The following ZNF280C variants were observed in gnomAD, a reference collection of about 807,000 sequenced individuals.
The protein encoded by ZNF280C is suppressor of hairy wing homolog 3.
ZNF280C carries 14 observed loss-of-function variants against 53.6 expected under a neutral mutation model. The ratio of observed to expected loss-of-function variants is 0.26; its 90% CI spans 0.17 to 0.41. The LOEUF is 0.41. Ranked by LOEUF, ZNF280C falls within the 10% of genes least tolerant of loss-of-function variation. ZNF280C has a pLI of 1.00. For missense variants in ZNF280C, 416 were observed against 547.1 expected, an observed-to-expected ratio of 0.76 and a Z score of 2.39; for synonymous variants, 203 against 181.1, an observed-to-expected ratio of 1.12 and a Z score of -0.97.
Position 130,227,783 on chromosome X carries a change from C to A in ZNF280C, c.1148-1G>T. The A allele has an allele frequency of 8.9e-7, 1 of 1,128,537 alleles. No homozygotes were observed. The highest frequency in any genetic ancestry group is 1.8e-5 in the African/African-American group (1 of 55,835). 93.0% of individuals were successfully genotyped at this position (1,128,537 alleles called of 1,213,427 possible). ...GATAATTCACAGATTTTGCAAATAG[C>A]TGAAAGTGGAAAAAAACACATTATA... On this transcript the variant is annotated splice_acceptor_variant, in intron 10 of 18. Coordinates refer to ENST00000370978, the MANE Select transcript of ZNF280C (RefSeq NM_017666.5). LOFTEE classifies it high-confidence loss of function.
intron 8 of ZNF280C, among the ~76,000 whole-genome samples, chrX:130,233,355 G>A (rs995656792): frequency 9.0e-5 from 10 of 111,646 alleles, no homozygotes; most frequent in Admixed American, 7.6e-4. Flanking sequence ...AGTGGCTCAC[G>A]CCTGTAATCC....
In ZNF280C at chrX:130,215,335, T is replaced by G; in HGVS notation, c.1839-2A>C. The stretch of plus-strand genomic sequence containing the variant: ...CACTTGTGAATTCCCCGACGACACC[T>G]TATGGAGACGGAAAAAAAAGATAAA... On this transcript the variant is annotated splice_acceptor_variant, in intron 14 of 18. Coordinates refer to ENST00000370978, the MANE Select transcript of ZNF280C (RefSeq NM_017666.5). LOFTEE classifies it high-confidence loss of function. 8.6e-7 allele frequency: 1 copy of G among 1,156,953 alleles called. No homozygotes were observed. Among genetic ancestry groups the G allele is most frequent in the Non-Finnish European group, 1.1e-6 (1 of 870,815 alleles).
In ZNF280C at chrX:130,204,387, C is replaced by T. The variant is rs1290766583; in HGVS notation, c.*590G>A. 1 of 112,524 alleles carries T rather than the reference C, an allele frequency of 8.9e-6. No homozygotes were observed. The highest frequency in any genetic ancestry group is 3.2e-5 in the African/African-American group (1 of 30,837). 9.3% of individuals were successfully genotyped at this position (112,524 alleles called of 1,213,427 possible). A position where few individuals can be genotyped will look rare whatever the true frequency, so the allele number is the denominator to read the frequency against. ...CAGTCAGGTAGGAAGGGACTCTCCC[C>T]AAGATCTGATTTCTGAAGGCCACAA... On this transcript the variant is annotated 3_prime_UTR_variant, in exon 19 of 19. Coordinates refer to ENST00000370978, the MANE Select transcript of ZNF280C (RefSeq NM_017666.5).
rs761433503 is a variant in ZNF280C, at chrX:130,202,854, CTATATA to C, written c.*2117_*2122del. The C allele has an allele frequency of 3.6e-5, 4 of 110,903 alleles. No homozygotes were observed. Among genetic ancestry groups the C allele is most frequent in the Non-Finnish European group, 5.7e-5 (3 of 52,927 alleles). 9.1% of individuals were successfully genotyped at this position (110,903 alleles called of 1,213,427 possible). Reference sequence around the variant, plus strand: ...ACAAGAAATTAAAAAAAATATACATCTATATATATATGAGCAAGAAACAAGTGCATT... The same window carrying C: ...ACAAGAAATTAAAAAAAATATACATCTATATGAGCAAGAAACAAGTGCATT... On this transcript the variant is annotated 3_prime_UTR_variant, in exon 19 of 19. Transcript: ENST00000370978.
At chrX:130,213,020 G>T (rs1695572802) in intron 15 of ZNF280C, among the ~76,000 whole-genome samples, 1 of 111,793 alleles carries the variant, frequency 8.9e-6, no homozygotes, top group Non-Finnish European at 1.9e-5. Context: ...ACAACTGAGG[G>T]ACTAGAATAA....
chrX:130,215,850 G>A lies in ZNF280C; in HGVS notation c.1779C>T (p.Tyr593=), dbSNP rs760995845. The A allele has an allele frequency of 7.4e-6, 9 of 1,208,460 alleles. No individual in the cohort carries two copies. The highest frequency in any genetic ancestry group is 1.8e-5 in the South Asian group (1 of 56,453). ...TTCTGTTGCGCTGTCGCTTTTGCTT[G>A]TAAGAGGGTTTTGCTTTGGACTTAG... ...RIAKSKAKPS[Y]KQKRQRNRKN... is the part of the protein sequence containing the mutation. The change falls in exon 14 of 19, where the codon TAC becomes TAT. Residue 593 remains tyrosine, a synonymous_variant. Transcript: ENST00000370978.
At chrX:130,261,400 G>T (rs1398468253) in intron 1 of ZNF280C, among the ~76,000 whole-genome samples, 1 of 112,091 alleles carries the variant, frequency 8.9e-6, no homozygotes, top group African/African-American at 3.2e-5. Flanking sequence ...TCTAAAGTAG[G>T]ATATACAGAG....
At chrX:130,257,547 T>C (rs1188847187) in intron 2 of ZNF280C, among the ~76,000 whole-genome samples, 1 of 111,410 alleles carries the variant, frequency 9.0e-6, no homozygotes, top group African/African-American at 3.3e-5. Context: ...CATATGTACA[T>C]ATGAGTTTTA....
chrX:130,247,522 T>A (rs1189044831), intron 2 of ZNF280C, among the ~76,000 whole-genome samples: 2 of 111,562 alleles, frequency 1.8e-5, no homozygotes, highest in Admixed American at 9.6e-5. Flanking sequence ...CAGTACATGG[T>A]AGCAAAAGAA....
intron 12 of ZNF280C, among the ~76,000 whole-genome samples, chrX:130,225,345 A>G (rs2032209747): frequency 9.0e-6 from 1 of 110,889 alleles, no homozygotes; most frequent in African/African-American, 3.3e-5. Context: ...AGTGTTTCCC[A>G]AACTCTATAC....
intron 13 of ZNF280C, among the ~76,000 whole-genome samples, 183 bp downstream of exon 13, chrX:130,220,166 T>C (rs2032148231): frequency 9.0e-6 from 1 of 111,116 alleles, no homozygotes; most frequent in African/African-American, 3.3e-5. Context: ...TTATTTGTGT[T>C]AGGGACATTC....
intron 15 of ZNF280C, 80 bp from the exon 16 acceptor site, chrX:130,209,795 C>T: frequency 1.3e-6 from 1 of 765,397 alleles, no homozygotes; most frequent in Admixed American, 3.0e-5. Context: ...CATTTCAAGC[C>T]AATGCTTAAT....
chrX:130,230,379 T>C (rs1183524648), intron 9 of ZNF280C, 131 bp downstream of exon 9: 2 of 390,720 alleles, frequency 5.1e-6, no homozygotes, highest in Non-Finnish European at 8.3e-6. Context: ...TTCAACATGA[T>C]AATCTGCCAC....
intron 2 of ZNF280C, 83 bp downstream of exon 2, chrX:130,260,336 C>T (rs745319783): frequency 1.8e-5 from 14 of 769,242 alleles, no homozygotes; most frequent in Non-Finnish European, 2.3e-5. Context: ...AATGTGCCCA[C>T]TTCTGTCTCT....
Position 130,243,717 on chromosome X carries a change from A to G in ZNF280C, c.245-18T>C, listed in dbSNP as rs1341641702. 3 of 1,189,763 alleles carry G rather than the reference A, an allele frequency of 2.5e-6. No individual in the cohort carries two copies. The African/African-American group carries it at 5.3e-5, about 21-fold the overall frequency. On this transcript the variant is annotated intron_variant, in intron 4 of 18. Transcript: ENST00000370978. Reference sequence around the variant, plus strand: ...AGGAATACCTGTATTTTAAAATTATACAACATATTGAATATATTTCTATAC... The same window carrying G: ...AGGAATACCTGTATTTTAAAATTATGCAACATATTGAATATATTTCTATAC...
rs186869361 is a variant in ZNF280C at position 130,254,441 on chromosome X, T to A, written c.31+5978A>T. Among the ~76,000 whole-genome samples, 120 of 111,750 alleles carry A rather than the reference T, an allele frequency of 1.1e-3. No individual in the cohort carries two copies. The East Asian group carries it at 0.011, about 10-fold the overall frequency. ...CAAAGGAATGTAAACTCTTCTATCA[T>A]AAAGACACATGTATACATATGTTCA... On this transcript the variant is annotated intron_variant, in intron 2 of 18. Coordinates refer to ENST00000370978, the MANE Select transcript of ZNF280C (RefSeq NM_017666.5).
At chrX:130,267,166 A>G (rs1477318478) in intron 1 of ZNF280C, among the ~76,000 whole-genome samples, 2 of 111,152 alleles carry the variant, frequency 1.8e-5, no homozygotes, top group African/African-American at 6.5e-5. Flanking sequence ...AGACAAACTC[A>G]CTGAAAACCA....
intron 3 of ZNF280C, 80 bp downstream of exon 3, chrX:130,246,779 T>G: frequency 9.2e-7 from 1 of 1,092,395 alleles, no homozygotes; most frequent in Non-Finnish European, 1.2e-6. Flanking sequence ...AACAACAGTA[T>G]GAAGGACAGA....
At chrX:130,258,781 T>C (rs183706446) in intron 2 of ZNF280C, among the ~76,000 whole-genome samples, 172 of 112,195 alleles carry the variant, frequency 1.5e-3, no homozygotes, top group African/African-American at 5.4e-3. Flanking sequence ...CCTTACCTTA[T>C]ACTGTCCACA....
Sources: gnomAD v4.1 joint callset for allele counts (sites outside exome capture counted in the v4.1 genomes callset) on GRCh38, gnomAD v4.1.1 for gene constraint, MANE v1.5 for transcripts, NCBI Gene and HGNC (gene_info 2026-07-23, HGNC 2026-07-21) for gene names.